NEBL: variants seen among roughly 807,000 people sequenced by gnomAD.
NEBL encodes LIM and SH3 protein 2.
Under a neutral mutation model 140.2 loss-of-function variants are expected in NEBL, and 122 were observed. The ratio of observed to expected loss-of-function variants is 0.87; its 90% CI spans 0.75 to 1.01. NEBL has a LOEUF of 1.01. Ranked by LOEUF, NEBL falls within the 50% of genes least tolerant of loss-of-function variation. The pLI is 0.00. For synonymous variants in NEBL, 436 were observed against 398.9 expected (o/e 1.09, Z -1.11); for missense variants, 1,365 against 1,231.3 (o/e 1.11, Z -1.62).
At chr10:21,053,799 G>A (rs147332648) in intron 2 of NEBL, among the ~76,000 whole-genome samples, 87 of 152,240 alleles carry the variant, frequency 5.7e-4, no homozygotes, top group Admixed American at 2.2e-3. Context: ...TTGGGAGGCC[G>A]AGGCAGGTGG....
chr10:21,249,547 A>G (rs1051595160), intron 2 of NEBL, among the ~76,000 whole-genome samples: 19 of 151,646 alleles, frequency 1.3e-4, no homozygotes, highest in Admixed American at 9.8e-4. Flanking sequence ...TAATTTCAAT[A>G]GTGATCTTAG....
Position 20,868,673 on chromosome 10 carries a change from A to G in NEBL, c.675T>C (p.Leu225=). ...ATCACTAAAGCCTTACTTGACTAGA[A>G]AGTTTAGAAGCTTCCACGGCATGTT... The part of the protein sequence containing the change: ...DFEHAVEASK[L]SSQIKYKEKF... The change falls in exon 7 of 28, where the codon CTT becomes CTC. Residue 225 remains leucine (L), a synonymous_variant. Coordinates refer to ENST00000377122, the MANE Select transcript of NEBL (RefSeq NM_006393.3). The G allele has an allele frequency of 6.2e-7, 1 of 1,604,846 alleles. No homozygotes were observed. Among genetic ancestry groups the G allele is most frequent in the Non-Finnish European group, 8.5e-7 (1 of 1,171,726 alleles).
At chr10:21,152,515 C>T (rs1840181972) in intron 2 of NEBL, among the ~76,000 whole-genome samples, 1 of 151,206 alleles carries the variant, frequency 6.6e-6, no homozygotes, top group Non-Finnish European at 1.5e-5. Context: ...TTCAAGGTTA[C>T]AGTGAGCTAT....
At chr10:21,115,157 T>C (rs1357361421) in intron 2 of NEBL, among the ~76,000 whole-genome samples, 1 of 152,020 alleles carries the variant, frequency 6.6e-6, no homozygotes, top group East Asian at 1.9e-4. Flanking sequence ...ACTTTATATA[T>C]ATTATAATAA....
At chr10:20,808,734 A>G (rs1398169727) in intron 25 of NEBL, 75 bp from the exon 26 acceptor site, 2 of 1,455,034 alleles carry the variant, frequency 1.4e-6, no homozygotes, top group Non-Finnish European at 1.9e-6. Context: ...ATTACTTAAA[A>G]GCTTAACAGA....
chr10:21,233,736 TATAG>T (rs1842300163), intron 3 of NEBL, among the ~76,000 whole-genome samples: 1 of 135,036 alleles, frequency 7.4e-6, no homozygotes, highest in Non-Finnish European at 1.6e-5. Context: ...ATATTACATA[TATAG>T]ATATATATTA....
chr10:20,963,223 T>A (rs1477178455), intron 3 of NEBL, among the ~76,000 whole-genome samples: 1 of 152,134 alleles, frequency 6.6e-6, no homozygotes, highest in Non-Finnish European at 1.5e-5. Flanking sequence ...TCACCCTCCA[T>A]CTCCCAGCAT....
intron 2 of NEBL, among the ~76,000 whole-genome samples, chr10:21,038,390 T>C (rs1483793570): frequency 6.6e-6 from 1 of 152,162 alleles, no homozygotes; most frequent in Non-Finnish European, 1.5e-5. Context: ...GGCCTCGGTG[T>C]GTGATATTCT....
intron 3 of NEBL, among the ~76,000 whole-genome samples, chr10:21,000,810 A>C (rs1283883283): frequency 1.3e-5 from 2 of 152,180 alleles, no homozygotes; most frequent in African/African-American, 2.4e-5. Context: ...TTGCAGTCTA[A>C]GATATGGAAG....
At chr10:20,866,184 A>G (rs1483800593) in intron 7 of NEBL, among the ~76,000 whole-genome samples, 5 of 151,998 alleles carry the variant, frequency 3.3e-5, no homozygotes, top group Non-Finnish European at 7.4e-5. Context: ...CTTTTTTATC[A>G]TTATTTTTTC....
At chr10:20,904,903 A>C (rs553761442) in intron 4 of NEBL, among the ~76,000 whole-genome samples, 1 of 152,328 alleles carries the variant, frequency 6.6e-6, no homozygotes, top group East Asian at 1.9e-4. Flanking sequence ...ACCCATTCAG[A>C]GATAGATGAT....
chr10:20,914,722 T>A (rs886988086), intron 4 of NEBL, among the ~76,000 whole-genome samples: 1 of 152,116 alleles, frequency 6.6e-6, no homozygotes, highest in African/African-American at 2.4e-5. Flanking sequence ...TAACTGCATA[T>A]CCAGACAGAA....
At chr10:20,956,559 T>C (rs1252262972) in intron 4 of NEBL, among the ~76,000 whole-genome samples, 1 of 152,120 alleles carries the variant, frequency 6.6e-6, no homozygotes, top group Non-Finnish European at 1.5e-5. Flanking sequence ...TAACTAATCG[T>C]CTATGTTAAT....
At chr10:21,270,684 T>C (rs2132288818) in intron 1 of NEBL, among the ~76,000 whole-genome samples, 1 of 152,264 alleles carries the variant, frequency 6.6e-6, no homozygotes, top group South Asian at 2.1e-4. Context: ...TTTTAAATTG[T>C]TTGGTATATA....
intron 2 of NEBL, among the ~76,000 whole-genome samples, chr10:21,084,031 A>G (rs887912982): frequency 6.6e-6 from 1 of 152,184 alleles, no homozygotes; most frequent in Non-Finnish European, 1.5e-5. Context: ...ACCCTAGTAT[A>G]AATAACCTGA....
chr10:21,228,398 C>G (rs1842201190), intron 3 of NEBL, among the ~76,000 whole-genome samples: 1 of 152,172 alleles, frequency 6.6e-6, no homozygotes, highest in South Asian at 2.1e-4. Flanking sequence ...AAACAATCCT[C>G]TCGCCTCAGC....
At chr10:21,196,313 T>A (rs1027829512) in intron 3 of NEBL, among the ~76,000 whole-genome samples, 1 of 140,588 alleles carries the variant, frequency 7.1e-6, no homozygotes, top group African/African-American at 2.6e-5. Context: ...ATATTTTTAT[T>A]TTTATTTATT....
intron 24 of NEBL, 52 bp from the exon 25 acceptor site, chr10:20,809,950 GAA>G (rs200571909): frequency 0.012 from 8,274 of 669,678 alleles, no homozygotes; most frequent in Admixed American, 0.02. Flanking sequence ...TTTAAAAAAG[GAA>G]AAAAAAAAAA....
At chr10:21,133,404 C>T (rs1470544839) in intron 2 of NEBL, among the ~76,000 whole-genome samples, 1 of 152,146 alleles carries the variant, frequency 6.6e-6, no homozygotes, top group African/African-American at 2.4e-5. Context: ...TACAATTTCT[C>T]TATGATTCCC....
Sources: allele counts gnomAD v4.1 joint callset (sites outside exome capture counted in the v4.1 genomes callset), GRCh38; gene constraint gnomAD v4.1.1; transcripts MANE v1.5; gene names NCBI Gene and HGNC (gene_info 2026-07-23, HGNC 2026-07-21).